Variants in CAMTA1 observed in about 807,000 individuals in gnomAD.
CAMTA1 encodes the protein calmodulin-binding transcription activator 1.
A neutral mutation model predicts 170.9 loss-of-function variants in CAMTA1; 27 were observed. The observed-to-expected ratio is 0.16, with a 90% confidence interval of 0.12 to 0.22. The LOEUF is 0.22. Ranked by LOEUF, CAMTA1 falls within the 10% of genes least tolerant of loss-of-function variation. The pLI, the probability that CAMTA1 is intolerant of heterozygous loss-of-function variation, is 1.00. For synonymous variants in CAMTA1, 833 were observed against 891.5 expected, an observed-to-expected ratio of 0.93 and a Z score of 1.17; for missense variants, 1,619 against 2,217.2, an observed-to-expected ratio of 0.73 and a Z score of 5.42.
At chr1:7,579,258 G>A (rs2095234213) in intron 6 of CAMTA1, among the ~76,000 whole-genome samples, 1 of 152,232 alleles carries the variant, frequency 6.6e-6, no homozygotes, top group African/African-American at 2.4e-5. Context: ...CCATTGCATG[G>A]TTGCCGTCCC....
At chr1:7,717,613 G>A (rs12563101) in intron 11 of CAMTA1, among the ~76,000 whole-genome samples, 19,973 of 152,020 alleles carry the variant, frequency 0.13, 1,612 homozygotes, top group East Asian at 0.22. Context: ...CAGGCGTGGT[G>A]GTGCATGCCT....
intron 3 of CAMTA1, chr1:6,888,048 G>A: frequency 9.2e-7 from 1 of 1,091,558 alleles, no homozygotes; most frequent in Non-Finnish European, 1.1e-6. Context: ...CCTAGCACCT[G>A]CCCCAGCGGT....
rs187157752 is a variant in CAMTA1, at chr1:7,681,961, A to G, written c.2914+4228A>G. Among the ~76,000 whole-genome samples the G allele has an allele frequency of 6.6e-6, 1 of 152,256 alleles. No individual in the cohort carries two copies. The highest frequency in any genetic ancestry group is 1.5e-5 in the Non-Finnish European group (1 of 68,016). On this transcript the variant is annotated intron_variant, in intron 11 of 22. Coordinates refer to ENST00000303635, the MANE Select transcript of CAMTA1 (RefSeq NM_015215.4). The surrounding 1 kb of genome is among the most constrained non-coding windows in gnomAD (Gnocchi z 4.6). ...AGCATCTGATTCTCCCCCAAGGCCA[A>G]GTTGAGAAGATTTAGGGTACCCTGT... is the stretch of plus-strand genomic sequence containing the variant.
intron 4 of CAMTA1, among the ~76,000 whole-genome samples, chr1:7,203,557 C>T (rs1262267412): frequency 6.7e-6 from 1 of 149,892 alleles, no homozygotes; most frequent in Non-Finnish European, 1.5e-5. Context: ...TATATTCAGA[C>T]CATCTATTTT....
chr1:7,413,819 A>C lies in CAMTA1; in HGVS notation c.439-54011A>C, dbSNP rs1210993817. On this transcript the variant is annotated intron_variant, in intron 5 of 22. Coordinates refer to ENST00000303635, the MANE Select transcript of CAMTA1 (RefSeq NM_015215.4). ...TTGAATAGGAGTGGTGAGAGAGGGCATCCCTGTCTTGTGCCAGTTTTCAAA... is the reference window on the plus strand; with the variant it reads ...TTGAATAGGAGTGGTGAGAGAGGGCCTCCCTGTCTTGTGCCAGTTTTCAAA... Among the ~76,000 whole-genome samples, 24 of 152,338 alleles carry C rather than the reference A, an allele frequency of 1.6e-4. No individual in the cohort carries two copies. The East Asian group carries it at 4.0e-3, about 26-fold the overall frequency.
At chr1:7,147,407 G>A (rs1314877056) in intron 4 of CAMTA1, among the ~76,000 whole-genome samples, 7 of 137,576 alleles carry the variant, frequency 5.1e-5, no homozygotes, top group African/African-American at 2.0e-4. Context: ...CTGGGTAACA[G>A]AGCGAGACTC....
intron 19 of CAMTA1, among the ~76,000 whole-genome samples, chr1:7,749,318 G>A (rs149416573): frequency 0.016 from 2,450 of 152,154 alleles, 71 homozygotes; most frequent in African/African-American, 0.055. Context: ...ATGGGGGTGG[G>A]GGGACGTCTT....
intron 11 of CAMTA1, among the ~76,000 whole-genome samples, chr1:7,721,195 C>T (rs1396331415): frequency 6.6e-6 from 1 of 152,206 alleles, no homozygotes; most frequent in African/African-American, 2.4e-5. Flanking sequence ...TGGCTCAGTA[C>T]TGTTAGGACC....
chr1:6,909,345 A>G (rs1011977440), intron 3 of CAMTA1, among the ~76,000 whole-genome samples: 5 of 152,284 alleles, frequency 3.3e-5, no homozygotes, highest in South Asian at 2.1e-4. Flanking sequence ...AAGCAAAAGT[A>G]TAGTTATTTC....
intron 6 of CAMTA1, among the ~76,000 whole-genome samples, chr1:7,594,131 GA>G: frequency 1.4e-5 from 2 of 145,366 alleles, no homozygotes; most frequent in East Asian, 4.1e-4. Context: ...AAGAAAGAAA[GA>G]AAGAAAGAAG....
At chr1:7,670,210 G>A (rs548954971) in intron 9 of CAMTA1, among the ~76,000 whole-genome samples, 7 of 152,274 alleles carry the variant, frequency 4.6e-5, no homozygotes, top group African/African-American at 1.7e-4. Flanking sequence ...ACCTTTGATA[G>A]CACAGGGTTG....
At chr1:7,691,387 T>C (rs916544220) in intron 11 of CAMTA1, among the ~76,000 whole-genome samples, 6 of 152,152 alleles carry the variant, frequency 3.9e-5, no homozygotes, top group Non-Finnish European at 5.9e-5. Context: ...GGAAAGCCAC[T>C]GAGGGCTCGA....
intron 5 of CAMTA1, among the ~76,000 whole-genome samples, chr1:7,276,137 T>A (rs955126874): frequency 4.0e-5 from 6 of 149,168 alleles, no homozygotes; most frequent in African/African-American, 1.5e-4. Flanking sequence ...ATATTGACCA[T>A]ATAATCATCT....
At chr1:7,185,929 C>T (rs75252107) in intron 4 of CAMTA1, among the ~76,000 whole-genome samples, 3,171 of 152,262 alleles carry the variant, frequency 0.021, 59 homozygotes, top group Middle Eastern at 0.054. Flanking sequence ...TCCCGGACCA[C>T]GCGAGTTTGT....
chr1:7,484,617 GTC>G (rs942781184), intron 6 of CAMTA1, among the ~76,000 whole-genome samples: 2 of 151,994 alleles, frequency 1.3e-5, no homozygotes, highest in African/African-American at 4.8e-5. Context: ...GTGAAATCCC[GTC>G]TCTACTAAAA....
intron 6 of CAMTA1, among the ~76,000 whole-genome samples, chr1:7,579,547 C>CTTTTTT (rs2095237893): frequency 9.0e-6 from 1 of 111,448 alleles, no homozygotes; most frequent in African/African-American, 4.1e-5. Context: ...CTTTTCTTTT[C>CTTTTTT]TTTTCTTTTT....
intron 5 of CAMTA1, among the ~76,000 whole-genome samples, chr1:7,400,334 A>G (rs1475512673): frequency 1.3e-4 from 20 of 152,022 alleles, no homozygotes; most frequent in Admixed American, 1.3e-3. Context: ...CTTTTTTTAT[A>G]TACATCTATC....
chr1:7,493,192 C>A (rs1007960707), intron 6 of CAMTA1, among the ~76,000 whole-genome samples: 1 of 149,796 alleles, frequency 6.7e-6, no homozygotes, highest in Non-Finnish European at 1.5e-5. Context: ...CAAACACGCA[C>A]ACACACAAAC....
chr1:7,753,693 A>G (rs1398712661), intron 21 of CAMTA1, among the ~76,000 whole-genome samples: 1 of 152,240 alleles, frequency 6.6e-6, no homozygotes, highest in Non-Finnish European at 1.5e-5. Context: ...CAGCCACTGC[A>G]TTAACATCAT....
Sources: allele counts gnomAD v4.1 joint callset (sites outside exome capture counted in the v4.1 genomes callset), GRCh38; gene constraint gnomAD v4.1.1; non-coding constraint Gnocchi (gnomAD v3.1); transcripts MANE v1.5; gene names NCBI Gene and HGNC (gene_info 2026-07-23, HGNC 2026-07-21).